Variants in MIPEP observed in about 807,000 individuals in gnomAD.
MIPEP encodes mitochondrial intermediate peptidase.
A neutral mutation model predicts 90.3 loss-of-function variants in MIPEP; 79 were observed. The ratio of observed to expected loss-of-function variants is 0.87; its 90% CI spans 0.73 to 1.05. The LOEUF (loss-of-function observed/expected upper bound fraction) is 1.05, where lower values mean the gene tolerates loss of function less well. Among genes scored for constraint, MIPEP ranks in the 50% least tolerant of loss-of-function variants. MIPEP has a pLI of 0.00. For missense variants in MIPEP, 940 were observed against 905.6 expected (o/e 1.04, Z -0.49); for synonymous variants, 334 against 315.8 (o/e 1.06, Z -0.61).
chr13:23,888,077 T>C, intron 1 of MIPEP: 1 of 419,118 alleles, frequency 2.4e-6, no homozygotes, highest in Non-Finnish European at 4.6e-6. Flanking sequence ...AATTTGAAAA[T>C]CTGCTATCAG....
chr13:23,780,906 A>C (rs956136988), intron 16 of MIPEP, among the ~76,000 whole-genome samples: 1 of 152,226 alleles, frequency 6.6e-6, no homozygotes, highest in African/African-American at 2.4e-5. Context: ...TTTAGAAAAA[A>C]AAGGGTAAAA....
At chr13:23,862,205 A>G in intron 9 of MIPEP, 97 bp downstream of exon 9, 1 of 738,422 alleles carries the variant, frequency 1.4e-6, no homozygotes. Flanking sequence ...GACTAAATGG[A>G]CCTGTAGCCT....
At chr13:23,853,264 G>C (rs1337828274) in intron 10 of MIPEP, among the ~76,000 whole-genome samples, 1 of 152,122 alleles carries the variant, frequency 6.6e-6, no homozygotes, top group Non-Finnish European at 1.5e-5. Flanking sequence ...CTCACTCACA[G>C]ACTCACCCAG....
chr13:23,803,105 T>C (rs1324318053), intron 16 of MIPEP, among the ~76,000 whole-genome samples: 1 of 152,138 alleles, frequency 6.6e-6, no homozygotes, highest in African/African-American at 2.4e-5. Context: ...GGCTCATGCC[T>C]GTAATCCTCA....
chr13:23,860,408 A>G (rs1316508494), intron 9 of MIPEP, among the ~76,000 whole-genome samples: 1 of 152,224 alleles, frequency 6.6e-6, no homozygotes. Flanking sequence ...CAAAGCAAGG[A>G]AAGAAAGCAA....
At chr13:23,751,987 C>G (rs975715139) in intron 18 of MIPEP, among the ~76,000 whole-genome samples, 1 of 151,780 alleles carries the variant, frequency 6.6e-6, no homozygotes, top group Non-Finnish European at 1.5e-5. Flanking sequence ...ACATTGCTTA[C>G]ATCTCTTGCC....
At chr13:23,814,279 C>T (rs1315700951) in intron 14 of MIPEP, among the ~76,000 whole-genome samples, 10 of 151,610 alleles carry the variant, frequency 6.6e-5, no homozygotes, top group Non-Finnish European at 1.3e-4. Context: ...TTTTTTGAGA[C>T]GGAGTCTCGC....
chr13:23,874,971 G>A, intron 4 of MIPEP, 62 bp from the exon 5 acceptor site: 4 of 1,450,792 alleles, frequency 2.8e-6, no homozygotes, highest in Non-Finnish European at 3.7e-6. Context: ...AAAAAATTGT[G>A]GTTTTTTGTT....
intron 1 of MIPEP, among the ~76,000 whole-genome samples, chr13:23,887,007 A>G (rs551343644): frequency 1.3e-3 from 201 of 152,302 alleles, no homozygotes; most frequent in African/African-American, 4.6e-3. Flanking sequence ...GATACAGGTA[A>G]TAAGTATATG....
chr13:23,771,530 TACAC>T (rs3077653), intron 16 of MIPEP, among the ~76,000 whole-genome samples: 3,519 of 146,052 alleles, frequency 0.024, 108 homozygotes, highest in African/African-American at 0.065. Flanking sequence ...ATTTGCTGAC[TACAC>T]ACACACACAC....
At chr13:23,732,511 C>T (rs957604998) in intron 18 of MIPEP, among the ~76,000 whole-genome samples, 1 of 152,094 alleles carries the variant, frequency 6.6e-6, no homozygotes, top group Admixed American at 6.5e-5. Context: ...TGAAACAACC[C>T]AAGTTTCTAT....
intron 16 of MIPEP, among the ~76,000 whole-genome samples, chr13:23,793,460 C>T (rs1952921596): frequency 2.0e-5 from 3 of 152,230 alleles, no homozygotes; most frequent in Admixed American, 2.0e-4. Context: ...GGTGGTTCCA[C>T]AGGCAAACAT....
At chr13:23,764,281 C>T (rs1052731762) in intron 16 of MIPEP, among the ~76,000 whole-genome samples, 9 of 152,288 alleles carry the variant, frequency 5.9e-5, no homozygotes, top group Admixed American at 2.6e-4. Flanking sequence ...AAAGACAAAA[C>T]TTGGAGCCAG....
chr13:23,809,952 G>C, intron 14 of MIPEP, 28 bp from the exon 15 acceptor site: 1 of 1,466,458 alleles, frequency 6.8e-7, no homozygotes, highest in Non-Finnish European at 9.5e-7. Context: ...ATATATATGT[G>C]AGTAAACTGC....
intron 4 of MIPEP, among the ~76,000 whole-genome samples, chr13:23,878,334 G>A (rs1871150233): frequency 6.6e-6 from 1 of 152,166 alleles, no homozygotes; most frequent in African/African-American, 2.4e-5. Context: ...TACCTGCCAG[G>A]CAGATGAAAA....
At chr13:23,791,395 C>T (rs1952896574) in intron 16 of MIPEP, among the ~76,000 whole-genome samples, 1 of 152,212 alleles carries the variant, frequency 6.6e-6, no homozygotes, top group Non-Finnish European at 1.5e-5. Context: ...ATACCTGCTC[C>T]TCTCTCCTCA....
intron 16 of MIPEP, among the ~76,000 whole-genome samples, chr13:23,782,863 G>A (rs1952795050): frequency 1.3e-5 from 2 of 152,264 alleles, no homozygotes; most frequent in South Asian, 4.2e-4. Context: ...TAGAAGAAAT[G>A]GATAAATTCC....
intron 16 of MIPEP, among the ~76,000 whole-genome samples, chr13:23,779,137 T>C (rs950159555): frequency 6.6e-6 from 1 of 152,214 alleles, no homozygotes. Context: ...CAAATAAGGA[T>C]GTTTGCCTTT....
rs111567326 is a variant in MIPEP, at chr13:23,874,279, TAGAAAGA to T, written c.603+560_603+566del. Among the ~76,000 whole-genome samples, 273 of 152,290 alleles carry T rather than the reference TAGAAAGA, an allele frequency of 1.8e-3. 1 individual carries two copies. The highest frequency in any genetic ancestry group is 6.4e-3 in the African/African-American group (265 of 41,558). On this transcript the variant is annotated intron_variant, in intron 5 of 18. Coordinates refer to ENST00000382172, the MANE Select transcript of MIPEP (RefSeq NM_005932.4). ...CTTGGTTTCTCAGGATGTTATGTGC[TAGAAAGA>T]ACAGTGGCCAGTGTTAGAAATTTTA...
Sources: gnomAD v4.1 joint callset for allele counts (sites outside exome capture counted in the v4.1 genomes callset) on GRCh38, gnomAD v4.1.1 for gene constraint, MANE v1.5 for transcripts, NCBI Gene and HGNC (gene_info 2026-07-23, HGNC 2026-07-21) for gene names.